The following PHLPP1 variants were observed in gnomAD, a reference collection of about 807,000 sequenced individuals.
PHLPP1 encodes the protein PH domain leucine-rich repeat-containing protein phosphatase 1.
PHLPP1 carries 42 observed loss-of-function variants against 117.2 expected under a neutral mutation model. The observed-to-expected ratio is 0.36, with a 90% CI of 0.28 to 0.46. The LOEUF (loss-of-function observed/expected upper bound fraction) is 0.46. Ranked by LOEUF, PHLPP1 falls within the 20% of genes least tolerant of loss-of-function variation. The probability of loss-of-function intolerance (pLI) is 1.00; values close to 1 mark genes in which losing one functional copy is unlikely to be tolerated. For synonymous variants in PHLPP1, 1,042 were observed against 970.7 expected (o/e 1.07, Z -1.37); for missense variants, 2,084 against 2,241.9 (o/e 0.93, Z 1.42).
At chr18:62,884,966 T>C (rs538322540) in intron 4 of PHLPP1, among the ~76,000 whole-genome samples, 1 of 152,334 alleles carries the variant, frequency 6.6e-6, no homozygotes, top group Admixed American at 6.5e-5. Context: ...TAAAGCTAAT[T>C]AATATTATGT....
intron 16 of PHLPP1, among the ~76,000 whole-genome samples, chr18:62,977,474 A>G (rs925094409): frequency 1.3e-5 from 2 of 150,334 alleles, no homozygotes; most frequent in Non-Finnish European, 2.9e-5. Context: ...TTTATTGGCA[A>G]GTGGTCTGGC....
intron 1 of PHLPP1, among the ~76,000 whole-genome samples, chr18:62,766,803 C>T (rs1912552036): frequency 6.6e-6 from 1 of 152,146 alleles, no homozygotes; most frequent in South Asian, 2.1e-4. Context: ...AATATTGAAT[C>T]TCTTTTACTT....
At chr18:62,837,021 G>GTACA (rs1248280886) in intron 2 of PHLPP1, among the ~76,000 whole-genome samples, 1 of 152,176 alleles carries the variant, frequency 6.6e-6, no homozygotes, top group African/African-American at 2.4e-5. Context: ...TTACTCCATT[G>GTACA]TACAGGTTGG....
At chr18:62,892,055 CATTTTCTTTCT>C in intron 4 of PHLPP1, among the ~76,000 whole-genome samples, 1 of 141,530 alleles carries the variant, frequency 7.1e-6, no homozygotes, top group African/African-American at 2.7e-5. Flanking sequence ...GTTTTCTTTT[CATTTTCTTTCT>C]TTTCTTTCTT....
At chr18:62,727,088 C>T (rs910714986) in intron 1 of PHLPP1, among the ~76,000 whole-genome samples, 1 of 151,312 alleles carries the variant, frequency 6.6e-6, no homozygotes, top group Non-Finnish European at 1.5e-5. Context: ...ATTAGCTGGG[C>T]ATGGTGGCAG....
intron 1 of PHLPP1, among the ~76,000 whole-genome samples, chr18:62,795,960 C>T (rs1379225218): frequency 6.6e-6 from 1 of 152,210 alleles, no homozygotes; most frequent in Non-Finnish European, 1.5e-5. Context: ...CATCCTTCTA[C>T]TCAGGGTATG....
intron 1 of PHLPP1, among the ~76,000 whole-genome samples, chr18:62,725,780 C>T (rs1348197252): frequency 2.6e-5 from 4 of 152,122 alleles, no homozygotes; most frequent in Admixed American, 6.5e-5. Context: ...AATTATTTAT[C>T]TTAAGCAAAA....
intron 1 of PHLPP1, among the ~76,000 whole-genome samples, chr18:62,823,620 A>G (rs1914528488): frequency 1.3e-5 from 2 of 149,978 alleles, no homozygotes; most frequent in Admixed American, 1.3e-4. Flanking sequence ...ATATATATCT[A>G]CATATATATG....
At chr18:62,923,944 C>T (rs1909548797) in intron 10 of PHLPP1, among the ~76,000 whole-genome samples, 1 of 152,180 alleles carries the variant, frequency 6.6e-6, no homozygotes, top group Admixed American at 6.5e-5. Context: ...GCAGACATCT[C>T]AATGAGTTTA....
intron 4 of PHLPP1, among the ~76,000 whole-genome samples, chr18:62,862,067 T>C (rs1162203984): frequency 1.3e-5 from 2 of 152,144 alleles, no homozygotes; most frequent in African/African-American, 4.8e-5. Flanking sequence ...TTTGTTAATA[T>C]CACCACTGAT....
At position 62,716,835 on chromosome 18, in the gene PHLPP1, C is replaced by T. The variant is rs1910759733; in HGVS notation, c.1152C>T (p.Ala384=). Residue 384 remains alanine (A), a synonymous_variant, in exon 1 of 17, where the codon GCC becomes GCT. Transcript: ENST00000262719. This position sits in a 1 kb window ranked among gnomAD's most constrained non-coding sequence, Gnocchi z 5.7. ...CGGAAGAGCTCGAGGCCGACGCAGC[C>T]TCGGCCCCGACGGGGGTCCCGGGCC... ...SSSEELEADA[A]SAPTGVPGQP... 2 of 1,525,066 alleles carry T rather than the reference C, an allele frequency of 1.3e-6. No individual in the cohort carries two copies. The highest frequency in any genetic ancestry group is 1.2e-5 in the South Asian group (1 of 82,982). 94.5% of individuals were successfully genotyped at this position (1,525,066 alleles called of 1,614,324 possible). A position where few individuals can be genotyped will look rare whatever the true frequency, so the allele number is the denominator to read the frequency against.
At chr18:62,851,536 C>G (rs1915350498) in intron 3 of PHLPP1, among the ~76,000 whole-genome samples, 1 of 152,188 alleles carries the variant, frequency 6.6e-6, no homozygotes, top group Admixed American at 6.5e-5. Context: ...TCTTGGCTCA[C>G]TGCAACCTCC....
At chr18:62,812,732 A>G (rs1401259296) in intron 1 of PHLPP1, among the ~76,000 whole-genome samples, 3 of 148,204 alleles carry the variant, frequency 2.0e-5, no homozygotes, top group African/African-American at 5.0e-5. Context: ...TTTTTTTCCT[A>G]TGGAAAAGTA....
chr18:62,853,970 T>C (rs1915429620), intron 3 of PHLPP1, among the ~76,000 whole-genome samples: 1 of 152,204 alleles, frequency 6.6e-6, no homozygotes, highest in Admixed American at 6.5e-5. Context: ...AGGGCAGGTC[T>C]ATTAGTCTAT....
In PHLPP1 at chr18:62,716,498, C is replaced by T; in HGVS notation, c.815C>T (p.Ala272Val). The T allele has an allele frequency of 8.3e-7, 1 of 1,206,630 alleles. No individual in the cohort carries two copies. The highest frequency in any genetic ancestry group is 3.5e-5 in the East Asian group (1 of 28,604). The allele number at this position is 1,206,630 out of a possible 1,614,324, so 74.7% of individuals were successfully genotyped here. A position where few individuals can be genotyped will look rare whatever the true frequency, so the allele number is the denominator to read the frequency against. The change falls in exon 1 of 17, where the codon GCG becomes GTG. Residue 272 changes from alanine (A) to valine (V), a missense_variant. Ala to Val is a moderately conservative substitution (Grantham distance 64). Coordinates refer to ENST00000262719, the MANE Select transcript of PHLPP1 (RefSeq NM_194449.4). This position sits in a 1 kb window ranked among gnomAD's most constrained non-coding sequence, Gnocchi z 5.7. ...CCCCCCGAGGCCGGCCCCCGGCTGG[C>T]GCCCCCGGAGCCGCGGGACTCGGAG... Reference protein sequence around the residue: ...EPPPEAGPRLAPPEPRDSEVP... With the variant: ...EPPPEAGPRLVPPEPRDSEVP...
chr18:62,974,442 G>T (rs1419675521), intron 15 of PHLPP1, among the ~76,000 whole-genome samples: 1 of 152,178 alleles, frequency 6.6e-6, no homozygotes, highest in African/African-American at 2.4e-5. Flanking sequence ...TTACACACGT[G>T]ATAGGAGCAG....
chr18:62,923,936 A>G (rs1414640580), intron 10 of PHLPP1, among the ~76,000 whole-genome samples: 2 of 152,252 alleles, frequency 1.3e-5, no homozygotes, highest in African/African-American at 4.8e-5. Context: ...TCAATGTAGC[A>G]GACATCTCAA....
At chr18:62,786,746 A>G (rs545095296) in intron 1 of PHLPP1, among the ~76,000 whole-genome samples, 2 of 152,342 alleles carry the variant, frequency 1.3e-5, no homozygotes, top group South Asian at 4.1e-4. Flanking sequence ...GATTTTGGTA[A>G]AAGGTTCACA....
At position 62,717,273 on chromosome 18, in the gene PHLPP1, C is replaced by G; in HGVS notation, c.1576+14C>G. The G allele has an allele frequency of 6.4e-7, 1 of 1,554,496 alleles. No individual in the cohort carries two copies. Among genetic ancestry groups the G allele is most frequent in the Non-Finnish European group, 8.7e-7 (1 of 1,147,136 alleles). ...GCTTCTATGCAGGTAAGGAAGTCAC[C>G]TGCCTTGACGGGTGGTTGCAAAAGC... On this transcript the variant is annotated intron_variant, in intron 1 of 16. Coordinates refer to ENST00000262719, the MANE Select transcript of PHLPP1 (RefSeq NM_194449.4).
Sources: gnomAD v4.1 joint callset for allele counts (sites outside exome capture counted in the v4.1 genomes callset) on GRCh38, gnomAD v4.1.1 for gene constraint, Gnocchi (gnomAD v3.1) non-coding constraint, MANE v1.5 for transcripts, NCBI Gene and HGNC (gene_info 2026-07-23, HGNC 2026-07-21) for gene names.